The following ERCC4 variants were observed in gnomAD, a reference collection of about 807,000 sequenced individuals.
ERCC4 encodes DNA repair endonuclease XPF.
In ERCC4, 65 loss-of-function variants were observed where a neutral mutation model predicts 76.9. The observed-to-expected ratio is 0.84, with a 90% CI of 0.69 to 1.04. The LOEUF is 1.04. ERCC4 is among the 50% of genes least tolerant of loss of function. The pLI, the probability that ERCC4 is intolerant of heterozygous loss-of-function variation, is 0.00. For missense variants in ERCC4, 1,214 were observed against 1,128.2 expected (o/e 1.08, Z -1.09); for synonymous variants, 463 against 410.1 (o/e 1.13, Z -1.56).
intron 9 of ERCC4, among the ~76,000 whole-genome samples, chr16:13,942,992 G>A (rs981224057): frequency 1.3e-5 from 2 of 152,210 alleles, no homozygotes; most frequent in Admixed American, 1.3e-4. Context: ...TTTTCAGCAG[G>A]TAGCGCTTGA....
chr16:13,932,126 TG>T (rs1567245856), intron 5 of ERCC4, 30 bp from the exon 6 acceptor site: 1 of 1,598,438 alleles, frequency 6.3e-7, no homozygotes, highest in Admixed American at 1.7e-5. Flanking sequence ...CATAAATTGA[TG>T]GCACTTTTTC....
chr16:13,932,113 A>G, intron 5 of ERCC4, 44 bp from the exon 6 acceptor site: 1 of 1,569,144 alleles, frequency 6.4e-7, no homozygotes, highest in Non-Finnish European at 8.8e-7. Flanking sequence ...GTTTTAAATT[A>G]ACCATAAATT....
At position 13,926,711 on chromosome 16, in the gene ERCC4, G is replaced by A; in HGVS notation, c.539G>A (p.Arg180Lys). The A allele has an allele frequency of 6.2e-7, 1 of 1,614,106 alleles. No homozygotes were observed. The highest frequency in any genetic ancestry group is 1.1e-5 in the South Asian group (1 of 91,080). The change falls in exon 3 of 11, where the codon AGA becomes AAA. Residue 180 changes from arginine (R) to lysine (K), a missense_variant. Transcript: ENST00000311895. ...AFDTGFCHVE[R>K]VMRNLFVRKL... ...GATACTGGTTTTTGTCATGTGGAAA[G>A]AGTGATGAGAAATCTTTTTGTGAGG...
chr16:13,940,971 G>C (rs577288045), intron 9 of ERCC4, among the ~76,000 whole-genome samples: 2 of 152,128 alleles, frequency 1.3e-5, no homozygotes, highest in African/African-American at 4.8e-5. Flanking sequence ...TTCTTGCTTC[G>C]CCTGTCTTCA....
intron 6 of ERCC4, chr16:13,933,162 C>T (rs903983137): frequency 3.4e-6 from 1 of 294,242 alleles, no homozygotes; most frequent in Non-Finnish European, 6.8e-6. Flanking sequence ...GAAGGTGACA[C>T]CAAGATATGA....
Position 13,949,204 on chromosome 16 carries a change from G to C in ERCC4, c.*857G>C, listed in dbSNP as rs1377654940. 4.3e-6 allele frequency: 1 copy of C among 233,036 alleles called. No homozygotes were observed. Among genetic ancestry groups the C allele is most frequent in the African/African-American group, 2.2e-5 (1 of 45,302 alleles). 14.4% of individuals were successfully genotyped at this position (233,036 alleles called of 1,614,324 possible). ...GGAGCTCTTAGAATTCTCAATTTTT[G>C]CACATATTCAGTCTCCTAATATCAG... On this transcript the variant is annotated 3_prime_UTR_variant, in exon 11 of 11. Transcript: ENST00000311895.
chr16:13,929,109 A>G (rs2032124706), intron 4 of ERCC4, among the ~76,000 whole-genome samples: 5 of 152,184 alleles, frequency 3.3e-5, no homozygotes, highest in Admixed American at 3.3e-4. Flanking sequence ...ATCCCACACA[A>G]TCTTTTAATA....
At chr16:13,937,734 T>C (rs767761252) in intron 8 of ERCC4, 32 bp from the exon 9 acceptor site, 15 of 1,435,262 alleles carry the variant, frequency 1.0e-5, no homozygotes, top group Admixed American at 8.4e-5. Flanking sequence ...AATGCTGTTT[T>C]TCCAACCTAA....
chr16:13,937,747 G>T lies in ERCC4; in HGVS notation c.1812-19G>T, dbSNP rs2032329364. 1 of 1,548,920 alleles carries T rather than the reference G, an allele frequency of 6.5e-7. No homozygotes were observed. Among genetic ancestry groups the T allele is most frequent in the Non-Finnish European group, 8.9e-7 (1 of 1,120,772 alleles). ...AAAATGCTGTTTTTCCAACCTAAAA[G>T]TTCTGTCTTAACATGCAGGGTTTAC... On this transcript the variant is annotated intron_variant, in intron 8 of 10. Transcript: ENST00000311895.
At chr16:13,937,531 G>A (rs1361028972) in intron 8 of ERCC4, among the ~76,000 whole-genome samples, 3 of 152,096 alleles carry the variant, frequency 2.0e-5, no homozygotes, top group South Asian at 2.1e-4. Flanking sequence ...ACCTAAACTC[G>A]TTTCTTCCTT....
chr16:13,926,451 A>G, intron 2 of ERCC4, 110 bp from the exon 3 acceptor site: 1 of 910,674 alleles, frequency 1.1e-6, no homozygotes. Flanking sequence ...CTATATGCCC[A>G]GTCTAGAATG....
chr16:13,923,971 A>C (rs1006899618), intron 2 of ERCC4, among the ~76,000 whole-genome samples: 1 of 152,244 alleles, frequency 6.6e-6, no homozygotes, highest in Non-Finnish European at 1.5e-5. Flanking sequence ...AATTTATGCA[A>C]CGTTGAAGTC....
intron 9 of ERCC4, among the ~76,000 whole-genome samples, chr16:13,938,763 C>T (rs2141611404): frequency 6.6e-6 from 1 of 152,268 alleles, no homozygotes; most frequent in African/African-American, 2.4e-5. Flanking sequence ...TGCCAAGACC[C>T]TAGGCCAAAT....
Position 13,951,263 on chromosome 16 carries a change from T to A in ERCC4, c.*2916T>A, listed in dbSNP as rs2032625275. ...TCCAGCATAATTTTATTAACTTCAC[T>A]TTTTTTCTCTCTAGTAAATATCCAG... On this transcript the variant is annotated 3_prime_UTR_variant, in exon 11 of 11. Transcript: ENST00000311895. The A allele has an allele frequency of 1.1e-5, 2 of 187,976 alleles. No individual in the cohort carries two copies. The highest frequency in any genetic ancestry group is 4.7e-5 in the African/African-American group (2 of 42,850). The allele number at this position is 187,976 out of a possible 1,614,324, so 11.6% of individuals were successfully genotyped here.
intron 5 of ERCC4, chr16:13,931,291 A>T (rs2032166889): frequency 4.5e-6 from 1 of 220,660 alleles, no homozygotes. Context: ...AGCAGAAGAG[A>T]TTTTAGGGAA....
chr16:13,948,335 A>T lies in ERCC4; in HGVS notation c.2739A>T (p.Lys913Asn). The change falls in exon 11 of 11, where the codon AAA (lysine) becomes AAT (asparagine). Residue 913 changes from lysine (K) to asparagine (N), a missense_variant. Transcript: ENST00000311895. ...TTGCAGAAGTCGTATCAAAAGGAAA[A>T]GGGAAAAAGTGAACAGTGATGGCTG... Reference protein sequence around the residue: ...TSFAEVVSKGKGKK With the variant: ...TSFAEVVSKGNGKK 2.5e-6 allele frequency: 4 copies of T among 1,611,108 alleles called. No individual in the cohort carries two copies. Among genetic ancestry groups the T allele is most frequent in the Non-Finnish European group, 3.4e-6 (4 of 1,180,004 alleles).
chr16:13,925,650 G>T (rs374173014), intron 2 of ERCC4, among the ~76,000 whole-genome samples: 42 of 152,258 alleles, frequency 2.8e-4, no homozygotes, highest in African/African-American at 9.6e-4. Context: ...CCAGATATGA[G>T]AACTGGATCA....
At chr16:13,933,637 G>C (rs1391209737) in intron 6 of ERCC4, 1 of 152,626 alleles carries the variant, frequency 6.6e-6, no homozygotes, top group Non-Finnish European at 1.5e-5. Context: ...GAACCCAGGA[G>C]GCAGAGGTTG....
chr16:13,926,801 C>A (rs2141945016), intron 3 of ERCC4, 45 bp downstream of exon 3: 1 of 1,449,568 alleles, frequency 6.9e-7, no homozygotes, highest in Non-Finnish European at 9.7e-7. Flanking sequence ...TATTTGTCAT[C>A]TTTGTTTGTG....
Sources: allele counts gnomAD v4.1 joint callset (sites outside exome capture counted in the v4.1 genomes callset), GRCh38; gene constraint gnomAD v4.1.1; transcripts MANE v1.5; gene names NCBI Gene and HGNC (gene_info 2026-07-23, HGNC 2026-07-21).